GTF2A1L: variants seen among roughly 807,000 people sequenced by gnomAD.
The protein encoded by GTF2A1L is general transcription factor IIA subunit 1 like.
In GTF2A1L, 48 loss-of-function variants were observed where a neutral mutation model predicts 49.7. The ratio of observed to expected loss-of-function variants is 0.97; its 90% confidence interval spans 0.77 to 1.23. GTF2A1L has a LOEUF of 1.23. Ranked by LOEUF, GTF2A1L falls within the 50% of genes most tolerant of loss-of-function variation. The pLI is 0.00. For synonymous variants in GTF2A1L, 246 were observed against 193.5 expected, an observed-to-expected ratio of 1.27 and a Z score of -2.25; for missense variants, 736 against 564.8, an observed-to-expected ratio of 1.30 and a Z score of -3.07.
chr2:48,630,894 G>C (rs1025937902), intron 3 of GTF2A1L, among the ~76,000 whole-genome samples: 2 of 151,960 alleles, frequency 1.3e-5, no homozygotes, highest in Non-Finnish European at 2.9e-5. Context: ...TTTTAATTCT[G>C]TTTATTGTAT....
chr2:48,630,211 A>G (rs1280080521), intron 3 of GTF2A1L, among the ~76,000 whole-genome samples: 2 of 143,530 alleles, frequency 1.4e-5, no homozygotes, highest in Admixed American at 7.1e-5. Context: ...TTTAGGATGT[A>G]TGGCCATTTT....
intron 6 of GTF2A1L, among the ~76,000 whole-genome samples, chr2:48,648,622 C>T (rs1382799444): frequency 6.6e-6 from 1 of 152,002 alleles, no homozygotes; most frequent in East Asian, 1.9e-4. Flanking sequence ...CAATTTTAGT[C>T]TTTAAATTGG....
intron 6 of GTF2A1L, among the ~76,000 whole-genome samples, chr2:48,650,507 T>C: frequency 6.6e-6 from 1 of 152,198 alleles, no homozygotes; most frequent in Non-Finnish European, 1.5e-5. Flanking sequence ...GTAAGAGTTT[T>C]CATTTTTCTT....
At position 48,621,221 on chromosome 2, in the gene GTF2A1L, A is replaced by G; in HGVS notation, c.178A>G (p.Ser60Gly). 1 of 1,614,156 alleles carries G rather than the reference A, an allele frequency of 6.2e-7. No homozygotes were observed. ...SKATEDFFRN[S>G]IQSPLFTLQL... Reference sequence around the variant, plus strand: ...AGCAACAGAAGACTTCTTCAGAAATAGCATCCAATCACCTCTGTTTACTCT... The same window carrying G: ...AGCAACAGAAGACTTCTTCAGAAATGGCATCCAATCACCTCTGTTTACTCT... Residue 60 changes from serine to glycine, a missense_variant, in exon 3 of 9, where the codon AGC (serine) becomes GGC (glycine). Ser to Gly is a moderately conservative substitution (Grantham distance 56, BLOSUM62 0). Coordinates refer to ENST00000403751, the MANE Select transcript of GTF2A1L (RefSeq NM_006872.5).
intron 6 of GTF2A1L, among the ~76,000 whole-genome samples, chr2:48,661,146 G>A (rs1323574211): frequency 7.0e-6 from 1 of 142,636 alleles, no homozygotes; most frequent in African/African-American, 2.6e-5. Flanking sequence ...CTCCTTTATA[G>A]TTTTTTAAGA....
intron 6 of GTF2A1L, among the ~76,000 whole-genome samples, chr2:48,651,586 A>G (rs73931112): frequency 2.6e-4 from 40 of 152,228 alleles, no homozygotes; most frequent in Admixed American, 4.6e-4. Flanking sequence ...GTTGCTGTCT[A>G]TTTCAGCACA....
intron 8 of GTF2A1L, among the ~76,000 whole-genome samples, chr2:48,672,109 T>A (rs1679201357): frequency 6.6e-6 from 1 of 152,146 alleles, no homozygotes; most frequent in Admixed American, 6.5e-5. Flanking sequence ...AAGAAATCAT[T>A]TGTAGTTGGA....
At chr2:48,619,060 A>G (rs1310449575) in intron 1 of GTF2A1L, among the ~76,000 whole-genome samples, 1 of 152,218 alleles carries the variant, frequency 6.6e-6, no homozygotes, top group African/African-American at 2.4e-5. Context: ...ATTTAGGGGC[A>G]TTTAGTCTTA....
chr2:48,654,738 A>G (rs1678075244), intron 6 of GTF2A1L, among the ~76,000 whole-genome samples: 1 of 152,178 alleles, frequency 6.6e-6, no homozygotes, highest in Non-Finnish European at 1.5e-5. Flanking sequence ...GTTTGTTAAA[A>G]AGACTGCCTT....
intron 8 of GTF2A1L, among the ~76,000 whole-genome samples, chr2:48,677,692 G>A (rs1679546559): frequency 6.6e-6 from 1 of 151,966 alleles, no homozygotes; most frequent in African/African-American, 2.4e-5. Context: ...ACAGGAACTA[G>A]TTATGAGGCT....
intron 8 of GTF2A1L, among the ~76,000 whole-genome samples, chr2:48,676,929 T>A (rs906975868): frequency 1.2e-4 from 18 of 151,782 alleles, no homozygotes; most frequent in South Asian, 2.1e-4. Context: ...CTTTTTATTT[T>A]TTTTTTTCCA....
intron 6 of GTF2A1L, among the ~76,000 whole-genome samples, chr2:48,651,075 C>T (rs1009452055): frequency 1.3e-4 from 20 of 152,144 alleles, no homozygotes; most frequent in African/African-American, 4.1e-4. Flanking sequence ...CTGGATTTGG[C>T]GAACAAAGCT....
chr2:48,642,331 A>T, intron 3 of GTF2A1L, 71 bp from the exon 4 acceptor site: 1 of 1,364,590 alleles, frequency 7.3e-7, no homozygotes, highest in African/African-American at 1.4e-5. Context: ...TTTTAAAAAT[A>T]AGCTATATTT....
intron 3 of GTF2A1L, among the ~76,000 whole-genome samples, chr2:48,634,072 G>A (rs903722178): frequency 1.3e-5 from 2 of 152,050 alleles, no homozygotes; most frequent in African/African-American, 4.8e-5. Context: ...CTTTTTAGTG[G>A]AGTGTTTAGA....
chr2:48,672,743 C>G (rs1270358085), intron 8 of GTF2A1L, among the ~76,000 whole-genome samples: 1 of 152,140 alleles, frequency 6.6e-6, no homozygotes, highest in Non-Finnish European at 1.5e-5. Context: ...GTCCTTAATT[C>G]ATGAATATTT....
chr2:48,632,105 G>C (rs1254952603), intron 3 of GTF2A1L, among the ~76,000 whole-genome samples: 1 of 152,112 alleles, frequency 6.6e-6, no homozygotes, highest in Non-Finnish European at 1.5e-5. Flanking sequence ...AATGTATAAG[G>C]CTCTACTTCA....
intron 4 of GTF2A1L, among the ~76,000 whole-genome samples, chr2:48,642,669 A>G (rs1054351233): frequency 3.3e-5 from 5 of 152,170 alleles, no homozygotes; most frequent in African/African-American, 1.2e-4. Flanking sequence ...AGCCTGGCCA[A>G]CATGGCAAAA....
chr2:48,633,149 A>G (rs1391175618), intron 3 of GTF2A1L: 7 of 237,336 alleles, frequency 2.9e-5, no homozygotes, highest in Admixed American at 4.7e-5. Flanking sequence ...TGACAGTATC[A>G]ACATAAGTGA....
At chr2:48,626,657 C>A (rs141677933) in intron 3 of GTF2A1L, among the ~76,000 whole-genome samples, 2,382 of 143,814 alleles carry the variant, frequency 0.017, 412 homozygotes, top group Non-Finnish European at 0.027. Flanking sequence ...ACTGCAGCCT[C>A]CACCCCCTGG....
Sources: allele counts gnomAD v4.1 joint callset (sites outside exome capture counted in the v4.1 genomes callset), GRCh38; gene constraint gnomAD v4.1.1; transcripts MANE v1.5; gene names NCBI Gene and HGNC (gene_info 2026-07-23, HGNC 2026-07-21).